FGF14: variants seen among roughly 807,000 people sequenced by gnomAD.
FGF14 encodes fibroblast growth factor 14.
In FGF14, 5 loss-of-function variants were observed where a neutral mutation model predicts 25.5. The observed-to-expected ratio is 0.20, with a 90% CI of 0.10 to 0.41. The LOEUF is 0.41. Among genes scored for constraint, FGF14 ranks in the 10% least tolerant of loss-of-function variants. The pLI is 1.00. For synonymous variants in FGF14, 138 were observed against 118.3 expected (o/e 1.17, Z -1.08); for missense variants, 222 against 320.1 (o/e 0.69, Z 2.34).
chr13:101,714,853 T>G lies in FGF14; in HGVS notation c.*7978A>C, dbSNP rs2034641289. 1 of 329,434 alleles carries G rather than the reference T, an allele frequency of 3.0e-6. No homozygotes were observed. The highest frequency in any genetic ancestry group is 5.4e-5 in the South Asian group (1 of 18,504). 20.4% of individuals were successfully genotyped at this position (329,434 alleles called of 1,614,324 possible). A position where few individuals can be genotyped will look rare whatever the true frequency, so the allele number is the denominator to read the frequency against. ...GTTGTATATTGAACACAGAAAAGAA[T>G]TTTGTTGGCAACCATTTTACTTTGA... On this transcript the variant is annotated 3_prime_UTR_variant, in exon 5 of 5. Transcript: ENST00000376143.
intron 1 of FGF14, among the ~76,000 whole-genome samples, chr13:102,365,211 C>T (rs1293776119): frequency 2.0e-5 from 3 of 152,014 alleles, no homozygotes; most frequent in African/African-American, 7.2e-5. Context: ...ATCTCAAAGT[C>T]TGGGTCCTCT....
At chr13:102,259,396 A>C (rs2052607494) in intron 1 of FGF14, among the ~76,000 whole-genome samples, 1 of 152,016 alleles carries the variant, frequency 6.6e-6, no homozygotes, top group Non-Finnish European at 1.5e-5. Flanking sequence ...TTGTTTTTTG[A>C]AACAGAGTCT....
intron 1 of FGF14, among the ~76,000 whole-genome samples, chr13:101,877,250 CT>C (rs1408001006): frequency 6.6e-6 from 1 of 152,100 alleles, no homozygotes; most frequent in African/African-American, 2.4e-5. Flanking sequence ...TGTTTTTCTC[CT>C]TTAACTTCGA....
intron 1 of FGF14, among the ~76,000 whole-genome samples, chr13:102,016,419 C>T (rs8001393): frequency 0.5 from 76,089 of 151,962 alleles, 22,446 homozygotes; most frequent in African/African-American, 0.81. Flanking sequence ...TAATGTGAGA[C>T]AACTGAGATT....
At chr13:102,079,487 C>T (rs555476370) in intron 1 of FGF14, among the ~76,000 whole-genome samples, 1 of 151,882 alleles carries the variant, frequency 6.6e-6, no homozygotes, top group Non-Finnish European at 1.5e-5. Flanking sequence ...CACTCTGTTG[C>T]CCAGGCTATC....
Position 101,904,500 on chromosome 13 carries a change from T to C in FGF14, c.193+11953A>G, listed in dbSNP as rs536014575. ...ACCAGTTATTGCTAAAAAATGGATA[T>C]TGCAAAGTGCTGTTTCCTTTTTTAA... is the stretch of plus-strand genomic sequence containing the variant. On this transcript the variant is annotated intron_variant, in intron 1 of 4. Transcript: ENST00000376143. Among the ~76,000 whole-genome samples, 5 of 152,302 alleles carry C rather than the reference T, an allele frequency of 3.3e-5. No individual in the cohort carries two copies. The South Asian group carries it at 1.0e-3, about 32-fold the overall frequency.
At chr13:102,061,123 T>G (rs963059954) in intron 1 of FGF14, among the ~76,000 whole-genome samples, 1 of 152,116 alleles carries the variant, frequency 6.6e-6, no homozygotes, top group South Asian at 2.1e-4. Flanking sequence ...CTTCCACCAC[T>G]CAATAAAACC....
At chr13:102,057,516 C>T (rs572116897) in intron 1 of FGF14, among the ~76,000 whole-genome samples, 48 of 152,090 alleles carry the variant, frequency 3.2e-4, no homozygotes, top group Non-Finnish European at 6.3e-4. Flanking sequence ...TATCTCTTCC[C>T]TAACCAGAAT....
intron 1 of FGF14, among the ~76,000 whole-genome samples, chr13:102,336,925 A>T (rs1594886918): frequency 6.6e-6 from 1 of 152,184 alleles, no homozygotes; most frequent in East Asian, 1.9e-4. Flanking sequence ...TACTGTTCAG[A>T]ACAAAAGCTT....
At chr13:102,138,065 G>A (rs1394883611) in intron 1 of FGF14, among the ~76,000 whole-genome samples, 1 of 149,620 alleles carries the variant, frequency 6.7e-6, no homozygotes, top group Non-Finnish European at 1.5e-5. Context: ...GCCCTGGCCT[G>A]AGGCCCACCT....
chr13:102,359,425 G>T (rs940285615), intron 1 of FGF14, among the ~76,000 whole-genome samples: 1 of 152,096 alleles, frequency 6.6e-6, no homozygotes, highest in Non-Finnish European at 1.5e-5. Context: ...ATAATTTTTA[G>T]TATATAAATT....
At chr13:101,792,483 C>G (rs920286315) in intron 3 of FGF14, among the ~76,000 whole-genome samples, 2 of 152,054 alleles carry the variant, frequency 1.3e-5, no homozygotes, top group African/African-American at 4.8e-5. Context: ...CTGAACAACA[C>G]AGTGAAATCT....
At chr13:101,935,111 C>T (rs925563066) in intron 1 of FGF14, among the ~76,000 whole-genome samples, 2 of 152,150 alleles carry the variant, frequency 1.3e-5, no homozygotes, top group Non-Finnish European at 2.9e-5. Flanking sequence ...CAATTATTTA[C>T]AAGAATACAT....
intron 1 of FGF14, among the ~76,000 whole-genome samples, chr13:102,019,735 A>G (rs956630480): frequency 1.3e-5 from 2 of 152,160 alleles, no homozygotes; most frequent in Non-Finnish European, 2.9e-5. Context: ...TTCATGTTGT[A>G]CTTGTACTGA....
Position 101,722,159 on chromosome 13 carries a change from G to T in FGF14, c.*672C>A, listed in dbSNP as rs183257879. The T allele has an allele frequency of 6.1e-6, 1 of 164,886 alleles. No homozygotes were observed. Among genetic ancestry groups the T allele is most frequent in the Admixed American group, 5.6e-5 (1 of 17,828 alleles). 10.2% of individuals were successfully genotyped at this position (164,886 alleles called of 1,614,324 possible). On this transcript the variant is annotated 3_prime_UTR_variant, in exon 5 of 5. Coordinates refer to ENST00000376143, the MANE Select transcript of FGF14 (RefSeq NM_004115.4). ...CACAGTATCTGCTACTGGACAGAGC[G>T]TATATGTGTGTTTAATCGATAGTGT... is the stretch of plus-strand genomic sequence containing the variant.
chr13:101,852,546 A>C (rs1378241845), intron 3 of FGF14, among the ~76,000 whole-genome samples: 2 of 152,088 alleles, frequency 1.3e-5, no homozygotes, highest in Non-Finnish European at 2.9e-5. Context: ...CAGTCATAAC[A>C]CTTGAGTGTG....
intron 1 of FGF14, among the ~76,000 whole-genome samples, chr13:102,254,587 C>T (rs976498873): frequency 6.6e-6 from 1 of 152,194 alleles, no homozygotes; most frequent in African/African-American, 2.4e-5. Flanking sequence ...AGACCTACCA[C>T]GTGGTCCTCG....
At chr13:102,201,900 C>T (rs879721451) in intron 1 of FGF14, among the ~76,000 whole-genome samples, 17 of 152,298 alleles carry the variant, frequency 1.1e-4, no homozygotes, top group Non-Finnish European at 2.1e-4. Context: ...TCCCAAATCT[C>T]CCGTTGGATT....
rs2034678168 is a variant in FGF14 at position 101,715,520 on chromosome 13, C to A, written c.*7311G>T. On this transcript the variant is annotated 3_prime_UTR_variant, in exon 5 of 5. Coordinates refer to ENST00000376143, the MANE Select transcript of FGF14 (RefSeq NM_004115.4). ...TATAATAGCATGTTTAAATTTGGCA[C>A]ATTTTGATCATAATCATGATACCTA... 9 of 1,362,860 alleles carry A rather than the reference C, an allele frequency of 6.6e-6. No homozygotes were observed. The East Asian group carries it at 1.8e-4, about 28-fold the overall frequency. 84.4% of individuals were successfully genotyped at this position (1,362,860 alleles called of 1,614,324 possible).
Sources: gnomAD v4.1 joint callset for allele counts (sites outside exome capture counted in the v4.1 genomes callset) on GRCh38, gnomAD v4.1.1 for gene constraint, MANE v1.5 for transcripts, NCBI Gene and HGNC (gene_info 2026-07-23, HGNC 2026-07-21) for gene names.